Variants in CEACAM18 observed in about 807,000 individuals in gnomAD.
CEACAM18 encodes the protein CEA cell adhesion molecule 18.
In CEACAM18, 33 loss-of-function variants were observed where a neutral mutation model predicts 34.3. The ratio of observed to expected loss-of-function variants is 0.96; its 90% confidence interval spans 0.73 to 1.29. CEACAM18 has a LOEUF of 1.29. CEACAM18 is among the 50% of genes most tolerant of loss of function. CEACAM18 has a pLI of 0.00. For synonymous variants in CEACAM18, 169 were observed against 180.9 expected, an observed-to-expected ratio of 0.93 and a Z score of 0.53; for missense variants, 474 against 485.0, an observed-to-expected ratio of 0.98 and a Z score of 0.21.
exon 6 of CEACAM18, chr19:51,490,750 C>T (rs1187653799): frequency 9.9e-6 from 6 of 604,496 alleles, no homozygotes; most frequent in Non-Finnish European, 1.4e-5. Context: ...GAGAGGGACC[C>T]AGCCCAGTCA....
chr19:51,483,422 A>G (rs1989951817), intron 4 of CEACAM18, 126 bp downstream of exon 4: 3 of 1,142,880 alleles, frequency 2.6e-6, no homozygotes, highest in Non-Finnish European at 3.8e-6. Flanking sequence ...CTCTGGGTGA[A>G]ATCTCCCAGT....
At chr19:51,479,232 G>A (rs1989865810) in intron 1 of CEACAM18, among the ~76,000 whole-genome samples, 1 of 152,174 alleles carries the variant, frequency 6.6e-6, no homozygotes, top group Non-Finnish European at 1.5e-5. Flanking sequence ...CATACGTGAG[G>A]CCTAGAGCCG....
chr19:51,487,107 G>T (rs763560669), intron 5 of CEACAM18, among the ~76,000 whole-genome samples: 14 of 152,138 alleles, frequency 9.2e-5, no homozygotes, highest in Non-Finnish European at 1.8e-4. Context: ...TATATTGAAA[G>T]TTCATCTAAT....
At chr19:51,485,853 G>C (rs1313713751) in intron 5 of CEACAM18, among the ~76,000 whole-genome samples, 1 of 152,176 alleles carries the variant, frequency 6.6e-6, no homozygotes, top group Non-Finnish European at 1.5e-5. Context: ...TTTTCCATTA[G>C]ATGCTAGTGG....
chr19:51,487,025 T>C lies in CEACAM18; in HGVS notation c.1089+1903T>C, dbSNP rs948116410. On this transcript the variant is annotated intron_variant, in intron 5 of 5. Transcript: ENST00000396477. Reference sequence around the variant, plus strand: ...GCATAAGCCACCGCGCCTGGCCTTATTGAGCTAATTTTCATCTAAAATTTT... The same window carrying C: ...GCATAAGCCACCGCGCCTGGCCTTACTGAGCTAATTTTCATCTAAAATTTT... 1.5e-4 allele frequency among the ~76,000 whole-genome samples: 22 copies of C among 148,690 alleles called. 1 individual carries two copies. The highest frequency in any genetic ancestry group is 1.5e-3 in the South Asian group (7 of 4,822).
chr19:51,483,053 ATGATTTCAACGGCAT>A, exon 4 of CEACAM18: 1 of 1,614,030 alleles, frequency 6.2e-7, no homozygotes, highest in Non-Finnish European at 8.5e-7. Context: ...AGCAATCCTG[ATGATTTCAACGGCAT>A]TGTGACAGCT....
At chr19:51,487,291 G>A (rs377092862) in intron 5 of CEACAM18, among the ~76,000 whole-genome samples, 2 of 150,490 alleles carry the variant, frequency 1.3e-5, no homozygotes, top group African/African-American at 2.4e-5. Flanking sequence ...CCTGGGCAAC[G>A]TGGTGAAACC....
intron 5 of CEACAM18, among the ~76,000 whole-genome samples, chr19:51,489,637 A>G (rs1238237127): frequency 1.3e-5 from 2 of 152,180 alleles, no homozygotes; most frequent in Non-Finnish European, 2.9e-5. Flanking sequence ...CAAGGAGCCT[A>G]CAATGTCGAC....
chr19:51,484,683 C>G (rs75146085), intron 4 of CEACAM18, among the ~76,000 whole-genome samples: 1 of 98,904 alleles, frequency 1.0e-5, no homozygotes, highest in East Asian at 2.6e-4. Flanking sequence ...CACACACCCC[C>G]CTTCCAGTCA....
At chr19:51,489,203 A>T (rs1990049683) in intron 5 of CEACAM18, among the ~76,000 whole-genome samples, 1 of 148,760 alleles carries the variant, frequency 6.7e-6, no homozygotes, top group Admixed American at 6.6e-5. Flanking sequence ...GTTGACATTA[A>T]GTCAACCTCA....
chr19:51,489,569 C>A (rs10411438), intron 5 of CEACAM18, among the ~76,000 whole-genome samples: 11,958 of 152,002 alleles, frequency 0.079, 573 homozygotes, highest in African/African-American at 0.13. Context: ...GATACATCTT[C>A]AATTATCTTA....
intron 1 of CEACAM18, among the ~76,000 whole-genome samples, chr19:51,479,904 T>G (rs558931981): frequency 6.6e-6 from 1 of 152,228 alleles, no homozygotes; most frequent in African/African-American, 2.4e-5. Context: ...GGGGTAGGTG[T>G]GCACCACAAG....
chr19:51,478,590 A>G (rs762661755), upstream of CEACAM18: 2 of 1,474,316 alleles, frequency 1.4e-6, no homozygotes, highest in African/African-American at 1.4e-5. Flanking sequence ...GGAGCAGAGG[A>G]GGTGGCTGTG....
At chr19:51,483,975 C>T (rs1431734153) in intron 4 of CEACAM18, among the ~76,000 whole-genome samples, 2 of 152,202 alleles carry the variant, frequency 1.3e-5, no homozygotes, top group Admixed American at 6.5e-5. Context: ...AATGCAGGGG[C>T]TCTACAGCCC....
At chr19:51,484,360 C>T (rs937308769) in intron 4 of CEACAM18, among the ~76,000 whole-genome samples, 6 of 151,248 alleles carry the variant, frequency 4.0e-5, no homozygotes, top group African/African-American at 1.5e-4. Flanking sequence ...GTTGCCCAGG[C>T]TGGATGCAGT....
chr19:51,479,688 G>A (rs1989874102), intron 1 of CEACAM18, among the ~76,000 whole-genome samples: 1 of 152,156 alleles, frequency 6.6e-6, no homozygotes, highest in Non-Finnish European at 1.5e-5. Context: ...ATAGAAGTGA[G>A]TCAGCAAGGA....
At chr19:51,491,162 G>A (rs545888494), downstream of CEACAM18, among the ~76,000 whole-genome samples, 5 of 152,136 alleles carry the variant, frequency 3.3e-5, no homozygotes, top group East Asian at 7.7e-4. Flanking sequence ...TGGATGCACC[G>A]TGGAACCATC....
At chr19:51,480,830 T>C in intron 2 of CEACAM18, 150 bp downstream of exon 2, 1 of 728,312 alleles carries the variant, frequency 1.4e-6, no homozygotes, top group South Asian at 1.9e-5. Context: ...TCCTGGGGGA[T>C]CTGAGGGCTA....
intron 5 of CEACAM18, among the ~76,000 whole-genome samples, chr19:51,488,924 A>G (rs1990045288): frequency 6.6e-6 from 1 of 152,054 alleles, no homozygotes; most frequent in Non-Finnish European, 1.5e-5. Flanking sequence ...CATGTATAAA[A>G]TATAGGGTGG....
Sources: gnomAD v4.1 joint callset for allele counts (sites outside exome capture counted in the v4.1 genomes callset) on GRCh38, gnomAD v4.1.1 for gene constraint, MANE v1.5 for transcripts, NCBI Gene and HGNC (gene_info 2026-07-23, HGNC 2026-07-21) for gene names.